Variants in DMD observed in about 807,000 individuals in gnomAD.
The protein encoded by DMD is dystrophin.
Under a neutral mutation model 330.1 loss-of-function variants are expected in DMD, and 63 were observed. That is an observed-to-expected ratio of 0.19 (90% CI 0.16 to 0.24). The LOEUF (loss-of-function observed/expected upper bound fraction) is 0.24, where lower values mean the gene tolerates loss of function less well. DMD is among the 10% of genes least tolerant of loss of function. The pLI is 1.00. For missense variants in DMD, 3,344 were observed against 2,684.1 expected, an observed-to-expected ratio of 1.25 and a Z score of -5.43; for synonymous variants, 1,223 against 959.8, an observed-to-expected ratio of 1.27 and a Z score of -5.07.
chrX:31,158,110 TAA>T (rs765511600), intron 74 of DMD, among the ~76,000 whole-genome samples: 27 of 111,870 alleles, frequency 2.4e-4, no homozygotes, highest in African/African-American at 8.8e-4. Context: ...CAGCCCAGAA[TAA>T]CTTCTTTAAA....
At chrX:32,040,732 T>C (rs1178257065) in intron 44 of DMD, among the ~76,000 whole-genome samples, 2 of 111,356 alleles carry the variant, frequency 1.8e-5, no homozygotes, top group African/African-American at 3.3e-5. Flanking sequence ...AGTGGCTACA[T>C]TTTTCCTGTC....
chrX:31,562,291 T>G (rs1603375442), intron 55 of DMD, among the ~76,000 whole-genome samples: 1 of 112,137 alleles, frequency 8.9e-6, no homozygotes, highest in South Asian at 3.7e-4. Context: ...ACATACAGCC[T>G]TTCATACTGG....
At chrX:31,725,739 G>T (rs961038215) in intron 52 of DMD, among the ~76,000 whole-genome samples, 7 of 112,159 alleles carry the variant, frequency 6.2e-5, no homozygotes, top group Non-Finnish European at 1.1e-4. Context: ...AATGGTAGTG[G>T]TGGGGGTTAC....
chrX:32,534,382 G>C (rs1395418490), intron 17 of DMD, among the ~76,000 whole-genome samples: 2 of 111,136 alleles, frequency 1.8e-5, no homozygotes, highest in South Asian at 7.6e-4. Flanking sequence ...TTGCGATAGT[G>C]AGTTCTCCTG....
At chrX:32,013,596 A>G (rs2095735242) in intron 44 of DMD, among the ~76,000 whole-genome samples, 1 of 112,109 alleles carries the variant, frequency 8.9e-6, no homozygotes, top group South Asian at 3.7e-4. Flanking sequence ...GGCAATGAAT[A>G]TTTATTAAAC....
At chrX:32,851,044 G>T (rs899656930) in intron 2 of DMD, among the ~76,000 whole-genome samples, 3 of 111,951 alleles carry the variant, frequency 2.7e-5, no homozygotes, top group Non-Finnish European at 5.6e-5. Context: ...AAAAACGTCA[G>T]GTGATGGGTC....
At chrX:33,030,255 C>T (rs1441651154) in intron 1 of DMD, among the ~76,000 whole-genome samples, 1 of 111,602 alleles carries the variant, frequency 9.0e-6, no homozygotes, top group South Asian at 3.7e-4. Flanking sequence ...ACGATTGCTA[C>T]GTGGCAGCCA....
intron 1 of DMD, among the ~76,000 whole-genome samples, chrX:33,136,210 G>A (rs755435900): frequency 2.1e-5 from 2 of 94,663 alleles, no homozygotes; most frequent in East Asian, 8.1e-4. Flanking sequence ...GTCTGGGAGG[G>A]CAAGGCTGCA....
intron 18 of DMD, among the ~76,000 whole-genome samples, chrX:32,503,106 T>C (rs2044225584): frequency 8.9e-6 from 1 of 112,361 alleles, no homozygotes; most frequent in African/African-American, 3.2e-5. Flanking sequence ...TAAAAGCAAA[T>C]AGTTAAGAGA....
intron 16 of DMD, among the ~76,000 whole-genome samples, chrX:32,549,572 T>A (rs1041692347): frequency 2.7e-5 from 3 of 112,355 alleles, no homozygotes; most frequent in African/African-American, 9.7e-5. Flanking sequence ...GTAACCACTA[T>A]CTTTTCTAAA....
rs187890071 is a variant in DMD at position 32,881,834 on chromosome X, G to A, written c.94-32014C>T. On this transcript the variant is annotated intron_variant, in intron 2 of 78. Transcript: ENST00000357033. ...CTAAACCCTACTTTGCAACGCTGAG[G>A]CAAAGACTCTGCAAACCGTACTTCT... 1.7e-4 allele frequency among the ~76,000 whole-genome samples: 19 copies of A among 111,396 alleles called. No homozygotes were observed. In the East Asian group the frequency reaches 4.8e-3, roughly 28 times the overall value.
rs1266125112 is a variant in DMD, at chrX:31,184,836, T to C, written c.9808-1932A>G. 3.8e-4 allele frequency among the ~76,000 whole-genome samples: 36 copies of C among 94,216 alleles called. 3 individuals are homozygous for C. Among genetic ancestry groups the C allele is most frequent in the African/African-American group, 1.3e-4 (3 of 23,328 alleles). The allele number at this position is 94,216 out of a possible 115,157, so 81.8% of individuals were successfully genotyped here. A position where few individuals can be genotyped will look rare whatever the true frequency, so the allele number is the denominator to read the frequency against. On this transcript the variant is annotated intron_variant, in intron 67 of 78. Coordinates refer to ENST00000357033, the MANE Select transcript of DMD (RefSeq NM_004006.3). ...GTAGGGACATGGATGAAATTGGAAA[T>C]CATCATTCTCAGTAAACTATCGCAA...
At chrX:31,634,539 TACAG>T (rs1035887750) in intron 54 of DMD, among the ~76,000 whole-genome samples, 2 of 111,730 alleles carry the variant, frequency 1.8e-5, no homozygotes, top group African/African-American at 6.5e-5. Context: ...CCTTCACTGA[TACAG>T]ACATTTTATT....
chrX:32,096,568 A>C (rs2096507987), intron 44 of DMD, among the ~76,000 whole-genome samples: 1 of 104,943 alleles, frequency 9.5e-6, no homozygotes, highest in African/African-American at 3.6e-5. Context: ...AAAAAATACA[A>C]AAAAAAAAAG....
At chrX:31,621,536 C>T (rs1239826330) in intron 55 of DMD, among the ~76,000 whole-genome samples, 2 of 111,804 alleles carry the variant, frequency 1.8e-5, no homozygotes, top group Admixed American at 1.9e-4. Flanking sequence ...AGAGAGCCAG[C>T]TTACACTTAC....
At chrX:33,174,330 G>C (rs2049528209) in intron 1 of DMD, among the ~76,000 whole-genome samples, 1 of 110,964 alleles carries the variant, frequency 9.0e-6, no homozygotes, top group Non-Finnish European at 1.9e-5. Flanking sequence ...ATGAACTCGA[G>C]AAGCCGCAAA....
At chrX:32,103,544 G>C (rs759917987) in intron 44 of DMD, among the ~76,000 whole-genome samples, 1 of 111,851 alleles carries the variant, frequency 8.9e-6, no homozygotes, top group South Asian at 3.7e-4. Context: ...TCTAACAATT[G>C]ATCACTCCGT....
intron 7 of DMD, among the ~76,000 whole-genome samples, chrX:32,740,657 G>C (rs779427091): frequency 9.0e-6 from 1 of 111,305 alleles, no homozygotes; most frequent in Non-Finnish European, 1.9e-5. Context: ...AATTGGCCTC[G>C]AATCTCATCT....
rs772749794 is a variant in DMD at position 31,626,274 on chromosome X, C to T, written c.8217+1399G>A. Among the ~76,000 whole-genome samples, 3 of 111,592 alleles carry T rather than the reference C, an allele frequency of 2.7e-5. No homozygotes were observed. The Admixed American group carries it at 2.9e-4, about 11-fold the overall frequency. On this transcript the variant is annotated intron_variant, in intron 55 of 78. Transcript: ENST00000357033. ...TGCTGGGGTTACAGGCATGAGCCAC[C>T]GCATCTGGCCGGGAAACCCACATAT...
Sources: allele counts gnomAD v4.1 joint callset (sites outside exome capture counted in the v4.1 genomes callset), GRCh38; gene constraint gnomAD v4.1.1; transcripts MANE v1.5; gene names NCBI Gene and HGNC (gene_info 2026-07-23, HGNC 2026-07-21).